The following ZNF362 variants were observed in gnomAD, a reference collection of about 807,000 sequenced individuals.
The protein encoded by ZNF362 is rotund homolog.
A neutral mutation model predicts 42.9 loss-of-function variants in ZNF362; 11 were observed. That is an observed-to-expected ratio of 0.26 (90% CI 0.16 to 0.42). The LOEUF (loss-of-function observed/expected upper bound fraction) is 0.42. ZNF362 is among the 20% of genes least tolerant of loss of function. The pLI is 1.00. For synonymous variants in ZNF362, 255 were observed against 257.3 expected (o/e 0.99, Z 0.09); for missense variants, 362 against 576.2 (o/e 0.63, Z 3.81).
chr1:33,193,238 G>A, the ZNF362 span, among the ~76,000 whole-genome samples: 1 of 152,160 alleles, frequency 6.6e-6, no homozygotes, highest in East Asian at 1.9e-4. Flanking sequence ...ATCACAATCT[G>A]CATTAGTATG....
chr1:33,281,935 G>A lies in ZNF362; in HGVS notation c.908+124G>A, dbSNP rs1344435602. 1.2e-5 allele frequency: 11 copies of A among 944,828 alleles called. No homozygotes were observed. Among genetic ancestry groups the A allele is most frequent in the East Asian group, 2.6e-5 (1 of 39,160 alleles). 58.5% of individuals were successfully genotyped at this position (944,828 alleles called of 1,614,324 possible). On this transcript the variant is annotated intron_variant, in intron 6 of 8. Coordinates refer to ENST00000539719, the MANE Select transcript of ZNF362 (RefSeq NM_152493.3). This position sits in a 1 kb window ranked among gnomAD's most constrained non-coding sequence, Gnocchi z 4.8. ...AGGTGCCCATTGCCCTCGGGGTCAC[G>A]GCCCTTGTGGACCTCACTGGCCTCA...
In ZNF362 at chr1:33,294,128, T is replaced by C. The variant is rs940026049; in HGVS notation, c.909-809T>C. On this transcript the variant is annotated intron_variant, in intron 6 of 8. Coordinates refer to ENST00000539719, the MANE Select transcript of ZNF362 (RefSeq NM_152493.3). The surrounding 1 kb of genome is among the most constrained non-coding windows in gnomAD (Gnocchi z 4.2). ...GTGCCTGGGGCATGGGTACCCAATG[T>C]AATGAATGTGAATGAATAACGATAA... Among the ~76,000 whole-genome samples the C allele has an allele frequency of 6.6e-6, 1 of 152,252 alleles. No homozygotes were observed. Among genetic ancestry groups the C allele is most frequent in the African/African-American group, 2.4e-5 (1 of 41,464 alleles).
chr1:33,259,260 G>A (rs1645813796), intron 1 of ZNF362, among the ~76,000 whole-genome samples: 1 of 152,190 alleles, frequency 6.6e-6, no homozygotes, highest in Admixed American at 6.5e-5. Flanking sequence ...AATTGCTAGT[G>A]GATGGTGGTG....
chr1:33,265,357 G>C (rs1393566405), intron 1 of ZNF362, among the ~76,000 whole-genome samples: 1 of 151,936 alleles, frequency 6.6e-6, no homozygotes, highest in Admixed American at 6.6e-5. Context: ...GAAGGGGCAG[G>C]CTCCCAGCTC....
At chr1:33,218,131 T>C in the ZNF362 span, among the ~76,000 whole-genome samples, 1 of 152,178 alleles carries the variant, frequency 6.6e-6, no homozygotes, top group East Asian at 1.9e-4. Flanking sequence ...AATTTCTAGA[T>C]GCAGAACAGT....
At chr1:33,219,476 G>A in the ZNF362 span, among the ~76,000 whole-genome samples, 45 of 152,344 alleles carry the variant, frequency 3.0e-4, no homozygotes, top group East Asian at 7.9e-3. Context: ...GGAGCCCAGC[G>A]AGGAAGGGGA....
chr1:33,133,157 A>G, the ZNF362 span, among the ~76,000 whole-genome samples: 2 of 152,184 alleles, frequency 1.3e-5, no homozygotes, highest in African/African-American at 4.8e-5. Context: ...GGGCAGCAGA[A>G]TGGACCTTCC....
the ZNF362 span, among the ~76,000 whole-genome samples, chr1:33,193,290 T>C: frequency 2.0e-5 from 3 of 152,210 alleles, no homozygotes; most frequent in Non-Finnish European, 2.9e-5. Context: ...AACTGTGTGA[T>C]GGTGGCAGTG....
chr1:33,149,119 G>A, the ZNF362 span, among the ~76,000 whole-genome samples: 108 of 152,232 alleles, frequency 7.1e-4, no homozygotes, highest in African/African-American at 2.2e-3. Flanking sequence ...AGATGTGCTC[G>A]TTCTGTCCTC....
chr1:33,177,050 C>T, the ZNF362 span, among the ~76,000 whole-genome samples: 44 of 147,098 alleles, frequency 3.0e-4, no homozygotes, highest in South Asian at 6.2e-3. This position sits in a 1 kb window ranked among gnomAD's most constrained non-coding sequence, Gnocchi z 4.1. Flanking sequence ...CACACACACA[C>T]GCACACACAC....
chr1:33,175,031 T>TATGTA, the ZNF362 span, among the ~76,000 whole-genome samples: 110 of 147,146 alleles, frequency 7.5e-4, no homozygotes, highest in African/African-American at 2.4e-3. Flanking sequence ...ATGTATATGT[T>TATGTA]TATGTATATG....
chr1:33,183,142 G>A, the ZNF362 span, among the ~76,000 whole-genome samples: 2 of 152,188 alleles, frequency 1.3e-5, no homozygotes. Context: ...CCGAACTGGG[G>A]CCTCAGCAGT....
At chr1:33,219,981 C>T in the ZNF362 span, among the ~76,000 whole-genome samples, 2 of 152,322 alleles carry the variant, frequency 1.3e-5, no homozygotes, top group South Asian at 2.1e-4. Flanking sequence ...AAGGCATGGC[C>T]GAAGAGGCCC....
chr1:33,201,870 G>T, the ZNF362 span, among the ~76,000 whole-genome samples: 1 of 152,152 alleles, frequency 6.6e-6, no homozygotes, highest in African/African-American at 2.4e-5. Context: ...TCTCTATCCA[G>T]ACTGATTTGG....
chr1:33,201,065 A>G, the ZNF362 span, among the ~76,000 whole-genome samples: 1 of 152,164 alleles, frequency 6.6e-6, no homozygotes, highest in East Asian at 1.9e-4. Context: ...GTGAGGAAAT[A>G]ATTTTTTTTT....
chr1:33,279,975 C>CATGCACAAGGTCTCATTTA (rs1557793950), intron 4 of ZNF362, 149 bp from the exon 5 acceptor site: 32 of 842,270 alleles, frequency 3.8e-5, no homozygotes. Flanking sequence ...GCATCTTACA[C>CATGCACAAGGTCTCATTTA]ATGCACAAGG....
intron 1 of ZNF362, among the ~76,000 whole-genome samples, chr1:33,258,475 A>C (rs967476387): frequency 6.6e-6 from 1 of 152,154 alleles, no homozygotes; most frequent in Non-Finnish European, 1.5e-5. Flanking sequence ...AGGGCTGTGG[A>C]ACATGGCATG....
At chr1:33,239,521 C>T in the ZNF362 span, among the ~76,000 whole-genome samples, 1 of 152,142 alleles carries the variant, frequency 6.6e-6, no homozygotes, top group Non-Finnish European at 1.5e-5. Context: ...TTAATTGACT[C>T]ACAGTTCTGC....
chr1:33,169,644 C>T, the ZNF362 span, among the ~76,000 whole-genome samples: 1 of 152,214 alleles, frequency 6.6e-6, no homozygotes, highest in Non-Finnish European at 1.5e-5. Context: ...CTTTTCTTCT[C>T]CAGTCCTAGC....
Sources: allele counts gnomAD v4.1 joint callset (sites outside exome capture counted in the v4.1 genomes callset), GRCh38; gene constraint gnomAD v4.1.1; non-coding constraint Gnocchi (gnomAD v3.1); transcripts MANE v1.5; gene names NCBI Gene and HGNC (gene_info 2026-07-23, HGNC 2026-07-21).